Variants in PCDHA5 observed in about 807,000 individuals in gnomAD.
The protein encoded by PCDHA5 is protocadherin alpha-5.
PCDHA5 carries 43 observed loss-of-function variants against 61.6 expected under a neutral mutation model. That is an observed-to-expected ratio of 0.70 (90% CI 0.55 to 0.90). The LOEUF (loss-of-function observed/expected upper bound fraction) is 0.90. Ranked by LOEUF, PCDHA5 falls within the 40% of genes least tolerant of loss-of-function variation. The probability of loss-of-function intolerance (pLI) is 0.00; values close to 1 mark genes in which losing one functional copy is unlikely to be tolerated. For missense variants in PCDHA5, 1,298 were observed against 1,222.7 expected (o/e 1.06, Z -0.92); for synonymous variants, 627 against 543.9 (o/e 1.15, Z -2.13).
chr5:140,885,319 T>C (rs2060561832), intron 1 of PCDHA5, among the ~76,000 whole-genome samples: 1 of 152,216 alleles, frequency 6.6e-6, no homozygotes, highest in Admixed American at 6.5e-5. Context: ...TGTTATTATT[T>C]CTTTTCCAAA....
chr5:140,889,259 G>C (rs371831027), intron 1 of PCDHA5, among the ~76,000 whole-genome samples: 37 of 151,916 alleles, frequency 2.4e-4, no homozygotes, highest in African/African-American at 6.7e-4. Context: ...TCCTGTAAAA[G>C]TTTGTATAAT....
chr5:140,903,420 G>A (rs1562939328), intron 1 of PCDHA5, among the ~76,000 whole-genome samples: 1 of 152,150 alleles, frequency 6.6e-6, no homozygotes, highest in Non-Finnish European at 1.5e-5. Flanking sequence ...GAAAAATTCA[G>A]CACAATATGT....
intron 1 of PCDHA5, among the ~76,000 whole-genome samples, chr5:140,838,385 A>G (rs1344951461): frequency 2.0e-5 from 3 of 151,298 alleles, no homozygotes; most frequent in Admixed American, 6.6e-5. Flanking sequence ...CAGCCTCCCA[A>G]TGTGCTGGGA....
At chr5:140,876,456 T>C (rs2056356318) in intron 1 of PCDHA5, 11 of 1,613,932 alleles carry the variant, frequency 6.8e-6, no homozygotes, top group Non-Finnish European at 8.5e-6. Context: ...AAGGGATTCC[T>C]TCCATGGCAG....
chr5:141,001,694 C>A (rs2098032582), intron 3 of PCDHA5, among the ~76,000 whole-genome samples: 1 of 151,662 alleles, frequency 6.6e-6, no homozygotes, highest in African/African-American at 2.4e-5. Flanking sequence ...CCACAGATGG[C>A]GAAATAGGGG....
At chr5:140,873,064 T>A (rs1554166548) in intron 1 of PCDHA5, among the ~76,000 whole-genome samples, 1 of 152,186 alleles carries the variant, frequency 6.6e-6, no homozygotes, top group Non-Finnish European at 1.5e-5. Context: ...TTCTTGAGAA[T>A]CATATCTAGC....
At chr5:140,972,906 C>T (rs1554234702) in intron 1 of PCDHA5, among the ~76,000 whole-genome samples, 1 of 152,048 alleles carries the variant, frequency 6.6e-6, no homozygotes, top group African/African-American at 2.4e-5. Context: ...TTGTGATCCA[C>T]CCGCCTTGGC....
intron 1 of PCDHA5, among the ~76,000 whole-genome samples, chr5:140,938,921 T>C (rs2092266107): frequency 6.6e-6 from 1 of 151,840 alleles, no homozygotes; most frequent in Non-Finnish European, 1.5e-5. Context: ...GCACAAGAAA[T>C]TGGCTTTTAA....
At chr5:140,937,933 A>T (rs1452935525) in intron 1 of PCDHA5, among the ~76,000 whole-genome samples, 1 of 151,854 alleles carries the variant, frequency 6.6e-6, no homozygotes, top group Non-Finnish European at 1.5e-5. Flanking sequence ...AAAAAGTTTA[A>T]TTTGATAATT....
At position 141,009,660 on chromosome 5, in the gene PCDHA5, G is replaced by C; in HGVS notation, c.2534G>C (p.Gly845Ala). 7 of 1,614,084 alleles carry C rather than the reference G, an allele frequency of 4.3e-6. No homozygotes were observed. Among genetic ancestry groups the C allele is most frequent in the Non-Finnish European group, 5.9e-6 (7 of 1,180,030 alleles). Residue 845 changes from glycine (G) to alanine (A), a missense_variant, in exon 4 of 4, where the codon GGT becomes GCT. Physicochemically the swap from Gly to Ala is moderately conservative, Grantham distance 60 (BLOSUM62 0). Coordinates refer to ENST00000529859, the MANE Select transcript of PCDHA5 (RefSeq NM_018908.3). ...PEAGEVSPPV[G>A]AGVNSNSWTF... ...GCAGGAGAAGTGTCCCCTCCAGTCGGTGCGGGTGTCAACAGCAACAGCTGG... is the reference window on the plus strand; with the variant it reads ...GCAGGAGAAGTGTCCCCTCCAGTCGCTGCGGGTGTCAACAGCAACAGCTGG...
intron 1 of PCDHA5, among the ~76,000 whole-genome samples, chr5:140,954,400 A>G (rs1349668578): frequency 6.6e-6 from 1 of 152,214 alleles, no homozygotes; most frequent in East Asian, 1.9e-4. Context: ...CAACCCCACC[A>G]ACAGGGTAAA....
chr5:140,905,880 A>C (rs1485985374), intron 1 of PCDHA5, among the ~76,000 whole-genome samples: 1 of 152,172 alleles, frequency 6.6e-6, no homozygotes, highest in Non-Finnish European at 1.5e-5. Context: ...AGGCCCAACA[A>C]TAGGCCATCT....
At position 140,969,226 on chromosome 5, in the gene PCDHA5, G is replaced by A. The variant is rs145631723; in HGVS notation, c.2353-9723G>A. 3.9e-4 allele frequency: 622 copies of A among 1,614,150 alleles called. 3 individuals are homozygous for A. The African/African-American group carries it at 5.9e-3, about 15-fold the overall frequency. On this transcript the variant is annotated intron_variant, in intron 1 of 3. Transcript: ENST00000529859. Reference sequence around the variant, plus strand: ...GGGCCCAGACAGGACCAGGGCCTTCGGGAGCCCAAGCAGCAGTGACTGACA... The same window carrying A: ...GGGCCCAGACAGGACCAGGGCCTTCAGGAGCCCAAGCAGCAGTGACTGACA...
intron 1 of PCDHA5, among the ~76,000 whole-genome samples, chr5:140,978,124 G>A (rs1554239035): frequency 6.6e-6 from 1 of 152,140 alleles, no homozygotes; most frequent in East Asian, 1.9e-4. Context: ...GTCTTTAGGT[G>A]CCCATATTTT....
chr5:140,853,936 A>G, intron 1 of PCDHA5: 1 of 845,796 alleles, frequency 1.2e-6, no homozygotes, highest in Non-Finnish European at 1.5e-6. Context: ...TGGGAGGCCA[A>G]GGTGGGAGGG....
intron 1 of PCDHA5, among the ~76,000 whole-genome samples, chr5:140,950,672 C>A (rs76583571): frequency 0.016 from 2,473 of 152,120 alleles, 63 homozygotes; most frequent in African/African-American, 0.055. Context: ...CAAACATGTA[C>A]ATGTATATTG....
chr5:140,990,977 G>T (rs1554251868), intron 3 of PCDHA5, among the ~76,000 whole-genome samples: 1 of 152,156 alleles, frequency 6.6e-6, no homozygotes, highest in African/African-American at 2.4e-5. Context: ...CAAGAGAAAG[G>T]AAGACAATAG....
intron 1 of PCDHA5, among the ~76,000 whole-genome samples, chr5:140,903,617 G>T (rs1488747657): frequency 1.3e-5 from 2 of 152,140 alleles, no homozygotes; most frequent in Non-Finnish European, 2.9e-5. Context: ...ACATGAATGT[G>T]CATGCATATG....
Position 140,822,046 on chromosome 5 carries a change from C to G in PCDHA5, c.271C>G (p.Arg91Gly). 6.2e-7 allele frequency: 1 copy of G among 1,614,162 alleles called. No homozygotes were observed. Among genetic ancestry groups the G allele is most frequent in the Non-Finnish European group, 8.5e-7 (1 of 1,180,032 alleles). The change falls in exon 1 of 4, where the codon CGG (arginine) becomes GGG (glycine). Residue 91 changes from arginine (R) to glycine (G), a missense_variant. Physicochemically the swap from Arg to Gly is moderately radical, Grantham distance 125. Transcript: ENST00000529859. ...GILFVNSRID[R>G]EELCRRRAEC... Reference sequence around the variant, plus strand: ...TTTGTTTGTGAATTCTCGGATCGACCGGGAGGAGCTGTGCCGGCGGAGGGC... The same window carrying G: ...TTTGTTTGTGAATTCTCGGATCGACGGGGAGGAGCTGTGCCGGCGGAGGGC...
Sources: gnomAD v4.1 joint callset for allele counts (sites outside exome capture counted in the v4.1 genomes callset) on GRCh38, gnomAD v4.1.1 for gene constraint, MANE v1.5 for transcripts, NCBI Gene and HGNC (gene_info 2026-07-23, HGNC 2026-07-21) for gene names.